Variants in CEACAM4 observed in about 807,000 individuals in gnomAD.
CEACAM4 encodes CEA cell adhesion molecule 4, also known as cell adhesion molecule CEACAM4.
Under a neutral mutation model 28.7 loss-of-function variants are expected in CEACAM4, and 30 were observed. The observed-to-expected ratio is 1.05, with a 90% CI of 0.78 to 1.42. The LOEUF is 1.42. Among genes scored for constraint, CEACAM4 ranks in the 40% most tolerant of loss-of-function variants. The pLI is 0.00. For missense variants in CEACAM4, 330 were observed against 308.2 expected (o/e 1.07, Z -0.53); for synonymous variants, 143 against 126.5 (o/e 1.13, Z -0.87).
chr19:41,621,617 G>A (rs79017845), intron 3 of CEACAM4, 34 bp downstream of exon 3: 2 of 1,245,062 alleles, frequency 1.6e-6, no homozygotes, highest in Non-Finnish European at 1.2e-6. Flanking sequence ...GGTCAGCCTA[G>A]GGGTGGGAGG....
At chr19:41,621,822 C>T in intron 2 of CEACAM4, 54 bp from the exon 3 acceptor site, 2 of 1,047,968 alleles carry the variant, frequency 1.9e-6, no homozygotes, top group Admixed American at 1.9e-5. Flanking sequence ...CCAAGGGAAA[C>T]CATAAGAGGC....
At chr19:41,620,381 C>A in intron 4 of CEACAM4, 139 bp from the exon 5 acceptor site, 2 of 924,906 alleles carry the variant, frequency 2.2e-6, no homozygotes, top group South Asian at 3.9e-5. Flanking sequence ...CAGCTGAGGT[C>A]GAGGAGGTGA....
intron 4 of CEACAM4, 133 bp from the exon 5 acceptor site, chr19:41,620,375 T>A: frequency 1.0e-6 from 1 of 957,300 alleles, no homozygotes; most frequent in Non-Finnish European, 1.5e-6. Context: ...CCTGAGCAGC[T>A]GAGGTCGAGG....
downstream of CEACAM4, among the ~76,000 whole-genome samples, chr19:41,616,312 G>A (rs539469596): frequency 6.6e-5 from 10 of 152,266 alleles, no homozygotes; most frequent in East Asian, 3.9e-4. Context: ...GACTACAGGC[G>A]TGAGCCACTG....
downstream of CEACAM4, among the ~76,000 whole-genome samples, chr19:41,618,306 T>C (rs782737103): frequency 2.6e-5 from 4 of 152,158 alleles, no homozygotes; most frequent in Non-Finnish European, 4.4e-5. Flanking sequence ...AAGAGTTGGC[T>C]TGCTCAGTGA....
In CEACAM4 at chr19:41,619,060, G is replaced by T; in HGVS notation, c.*270C>A. The T allele has an allele frequency of 4.2e-6, 2 of 479,318 alleles. No homozygotes were observed. Among genetic ancestry groups the T allele is most frequent in the Admixed American group, 3.8e-5 (1 of 26,236 alleles). The allele number at this position is 479,318 out of a possible 1,614,324, so 29.7% of individuals were successfully genotyped here. On this transcript the variant is annotated 3_prime_UTR_variant, in exon 7 of 7. Transcript: ENST00000221954. ...ATTCAGATCCTTTCCTGGTGACCCC[G>T]GGTGGGCCACAGGCCCATTCACTTT...
At chr19:41,615,224 G>T (rs1466364532), downstream of CEACAM4, among the ~76,000 whole-genome samples, 5 of 152,036 alleles carry the variant, frequency 3.3e-5, no homozygotes, top group African/African-American at 1.2e-4. Flanking sequence ...AGTGGCACCT[G>T]GTTCGGTGGG....
chr19:41,616,100 G>A (rs2070979270), downstream of CEACAM4, among the ~76,000 whole-genome samples: 1 of 152,148 alleles, frequency 6.6e-6, no homozygotes, highest in Admixed American at 6.5e-5. Flanking sequence ...TGCGATCTCA[G>A]CTCACTGCAA....
chr19:41,616,093 G>A (rs1003392869), downstream of CEACAM4, among the ~76,000 whole-genome samples: 4 of 152,178 alleles, frequency 2.6e-5, no homozygotes, highest in African/African-American at 4.8e-5. Context: ...GCAGTGGTGC[G>A]ATCTCAGCTC....
chr19:41,616,757 T>G (rs1441641616), downstream of CEACAM4, among the ~76,000 whole-genome samples: 1 of 152,056 alleles, frequency 6.6e-6, no homozygotes. Flanking sequence ...TGCTCCAGGC[T>G]GAGTGATGGA....
chr19:41,621,586 G>T, intron 3 of CEACAM4, 65 bp downstream of exon 3: 2 of 850,236 alleles, frequency 2.4e-6, no homozygotes, highest in Non-Finnish European at 3.9e-6. Flanking sequence ...ACAGGGCGGG[G>T]TCTCCCTCCT....
At chr19:41,625,363 A>G (rs73931739) in intron 2 of CEACAM4, among the ~76,000 whole-genome samples, 1,847 of 150,448 alleles carry the variant, frequency 0.012, 37 homozygotes, top group African/African-American at 0.044. Context: ...GCTGAGACTG[A>G]CCTCCCCCTG....
downstream of CEACAM4, among the ~76,000 whole-genome samples, chr19:41,614,339 C>A (rs1339623076): frequency 1.3e-5 from 2 of 152,198 alleles, no homozygotes. Context: ...ACAGAACAGG[C>A]AAGCTTGGCC....
At chr19:41,621,587 TCTCCCTC>T in intron 3 of CEACAM4, 57 bp downstream of exon 3, 1 of 848,602 alleles carries the variant, frequency 1.2e-6, no homozygotes, top group Non-Finnish European at 2.0e-6. Flanking sequence ...CAGGGCGGGG[TCTCCCTC>T]CTCCCTGACT....
chr19:41,620,653 AG>A (rs782328235), intron 3 of CEACAM4, 26 bp from the exon 4 acceptor site: 1 of 1,602,934 alleles, frequency 6.2e-7, no homozygotes, highest in African/African-American at 1.3e-5. Flanking sequence ...ATTATTCATG[AG>A]GGTGCAGGGA....
chr19:41,621,611 A>G, intron 3 of CEACAM4, 40 bp downstream of exon 3: 1 of 1,141,788 alleles, frequency 8.8e-7, no homozygotes, highest in Non-Finnish European at 1.3e-6. Flanking sequence ...GACTGGGGTC[A>G]GCCTAGGGGT....
Position 41,625,654 on chromosome 19 carries a change from G to A in CEACAM4, c.371C>T (p.Thr124Ile), listed in dbSNP as rs1003977632. 1 of 1,606,264 alleles carries A rather than the reference G, an allele frequency of 6.2e-7. No individual in the cohort carries two copies. The highest frequency in any genetic ancestry group is 1.3e-5 in the African/African-American group (1 of 74,832). ...GTCAGAGTCGTAACTGGCATTTATG[G>A]TTCGTAGGGTGTAGGATCCTGCGTC... Reference protein sequence around the residue: ...LEDAGSYTLRTINASYDSDQA... With the variant: ...LEDAGSYTLRIINASYDSDQA... The change falls in exon 2 of 7, where the codon ACC becomes ATC. Residue 124 changes from threonine (T) to isoleucine (I), a missense_variant. By Grantham distance (89) the Thr-to-Ile change is moderately conservative (BLOSUM62 -1). Transcript: ENST00000221954.
At chr19:41,623,419 A>ATTTTTTTTTTTTTTTT (rs57004828) in intron 2 of CEACAM4, among the ~76,000 whole-genome samples, 1 of 105,060 alleles carries the variant, frequency 9.5e-6, no homozygotes, top group Non-Finnish European at 2.0e-5. Context: ...TTCGAACTGC[A>ATTTTTTTTTTTTTTTT]TTTTTTTTTT....
In CEACAM4 at chr19:41,619,270, C is replaced by T. The variant is rs1201292001; in HGVS notation, c.*60G>A. 8.5e-6 allele frequency: 12 copies of T among 1,416,904 alleles called. No individual in the cohort carries two copies. The highest frequency in any genetic ancestry group is 1.2e-5 in the Non-Finnish European group (12 of 1,001,996). 87.8% of individuals were successfully genotyped at this position (1,416,904 alleles called of 1,614,324 possible). On this transcript the variant is annotated 3_prime_UTR_variant, in exon 7 of 7. Coordinates refer to ENST00000221954, the MANE Select transcript of CEACAM4 (RefSeq NM_001817.4). ...CTCAGGCTCCATGTCCTTCCCCGTC[C>T]CCAGGGCTGGGAGCTTCGGGGACGC... is the stretch of plus-strand genomic sequence containing the variant.
Sources: allele counts gnomAD v4.1 joint callset (sites outside exome capture counted in the v4.1 genomes callset), GRCh38; gene constraint gnomAD v4.1.1; transcripts MANE v1.5; gene names NCBI Gene and HGNC (gene_info 2026-07-23, HGNC 2026-07-21).